Variants in CNNM4 observed in about 807,000 individuals in gnomAD.
CNNM4 encodes metal transporter CNNM4.
A neutral mutation model predicts 53.7 loss-of-function variants in CNNM4; 32 were observed. The ratio of observed to expected loss-of-function variants is 0.60; its 90% CI spans 0.45 to 0.80. The LOEUF (loss-of-function observed/expected upper bound fraction) is 0.80, where lower values mean the gene tolerates loss of function less well. CNNM4 is among the 30% of genes least tolerant of loss of function. CNNM4 has a pLI of 0.00. For missense variants in CNNM4, 784 were observed against 1,022.0 expected, an observed-to-expected ratio of 0.77 and a Z score of 3.17; for synonymous variants, 410 against 440.0, an observed-to-expected ratio of 0.93 and a Z score of 0.85.
At chr2:96,803,986 C>T (rs879584419) in intron 5 of CNNM4, among the ~76,000 whole-genome samples, 2 of 152,038 alleles carry the variant, frequency 1.3e-5, no homozygotes, top group Non-Finnish European at 2.9e-5. Context: ...GCAGCCTCAA[C>T]CTCATGGGCT....
At chr2:96,806,545 G>GCA (rs2079210494) in intron 5 of CNNM4, among the ~76,000 whole-genome samples, 1 of 143,894 alleles carries the variant, frequency 6.9e-6, no homozygotes, top group African/African-American at 2.8e-5. Flanking sequence ...ACGCGCGCGC[G>GCA]CGCGCGCGCC....
chr2:96,803,497 C>T (rs1287113038), intron 5 of CNNM4, among the ~76,000 whole-genome samples: 5 of 152,024 alleles, frequency 3.3e-5, no homozygotes, highest in East Asian at 3.9e-4. Context: ...GGCCGAGGTG[C>T]GTGGATTGCC....
chr2:96,762,209 G>A lies in CNNM4; in HGVS notation c.1210G>A (p.Gly404Ser), dbSNP rs2078771203. The A allele has an allele frequency of 1.2e-6, 2 of 1,614,148 alleles. No homozygotes were observed. Among genetic ancestry groups the A allele is most frequent in the Non-Finnish European group, 1.7e-6 (2 of 1,180,022 alleles). Reference sequence around the variant, plus strand: ...CACCATGTCGGAGATAATGGAAAGCGGCTATACTCGCATCCCGGTGTTCGA... The same window carrying A: ...CACCATGTCGGAGATAATGGAAAGCAGCTATACTCGCATCCCGGTGTTCGA... Reference protein sequence around the residue: ...FNTMSEIMESGYTRIPVFEDE... With the variant: ...FNTMSEIMESSYTRIPVFEDE... Residue 404 changes from glycine to serine, a missense_variant, in exon 1 of 7, where the codon GGC (glycine) becomes AGC (serine). Physicochemically the swap from Gly to Ser is moderately conservative, Grantham distance 56. Transcript: ENST00000377075.
chr2:96,793,969 C>CA (rs568146407), intron 1 of CNNM4, among the ~76,000 whole-genome samples: 212 of 151,740 alleles, frequency 1.4e-3, no homozygotes, highest in African/African-American at 4.9e-3. Context: ...GAGTCTGTCT[C>CA]AAAAAAAATA....
At chr2:96,779,871 C>T (rs930310224) in intron 1 of CNNM4, among the ~76,000 whole-genome samples, 1 of 149,884 alleles carries the variant, frequency 6.7e-6, no homozygotes, top group Non-Finnish European at 1.5e-5. Context: ...GGTGTGATCT[C>T]GGCTCACTGC....
At chr2:96,781,750 T>C (rs1454249764) in intron 1 of CNNM4, among the ~76,000 whole-genome samples, 1 of 152,170 alleles carries the variant, frequency 6.6e-6, no homozygotes, top group Non-Finnish European at 1.5e-5. Flanking sequence ...CTCCCTTCCC[T>C]GGAGGAAGGA....
At position 96,797,997 on chromosome 2, in the gene CNNM4, T is replaced by C. The variant is rs550060026; in HGVS notation, c.1681+350T>C. ...TGAGCCCAGGAGTTCGAGACCAGCCTGAGCAACATGGCGAGACCCCATCTC... is the reference window on the plus strand; with the variant it reads ...TGAGCCCAGGAGTTCGAGACCAGCCCGAGCAACATGGCGAGACCCCATCTC... On this transcript the variant is annotated intron_variant, in intron 3 of 6. Transcript: ENST00000377075. This position sits in a 1 kb window ranked among gnomAD's most constrained non-coding sequence, Gnocchi z 6.0. Among the ~76,000 whole-genome samples, 1 of 152,276 alleles carries C rather than the reference T, an allele frequency of 6.6e-6. No individual in the cohort carries two copies. The highest frequency in any genetic ancestry group is 2.4e-5 in the African/African-American group (1 of 41,552).
intron 1 of CNNM4, among the ~76,000 whole-genome samples, chr2:96,786,413 CAAA>C (rs774326774): frequency 1.0e-5 from 1 of 97,710 alleles, no homozygotes; most frequent in Non-Finnish European, 2.3e-5. Flanking sequence ...GACTCTGTCT[CAAA>C]AAAAAAAAAA....
intron 6 of CNNM4, among the ~76,000 whole-genome samples, chr2:96,809,050 C>G (rs1229663808): frequency 2.0e-5 from 3 of 151,350 alleles, no homozygotes; most frequent in Non-Finnish European, 2.9e-5. Flanking sequence ...CTGTGTTGCC[C>G]AAGTTGGCTT....
intron 1 of CNNM4, among the ~76,000 whole-genome samples, chr2:96,783,839 T>C (rs2078994539): frequency 6.6e-6 from 1 of 152,244 alleles, no homozygotes; most frequent in South Asian, 2.1e-4. Flanking sequence ...GAAGTCATTC[T>C]GTTTTTTATA....
rs2079246314 is a variant in CNNM4 at position 96,810,326 on chromosome 2, G to A, written c.*809G>A. 1 of 152,704 alleles carries A rather than the reference G, an allele frequency of 6.5e-6. No individual in the cohort carries two copies. Among genetic ancestry groups the A allele is most frequent in the Admixed American group, 6.5e-5 (1 of 15,284 alleles). 9.5% of individuals were successfully genotyped at this position (152,704 alleles called of 1,614,324 possible). A position where few individuals can be genotyped will look rare whatever the true frequency, so the allele number is the denominator to read the frequency against. ...GCCCTTTGGACAACTGGCCCTTTGT[G>A]ACAGGGCTGACTCAAGTGTTAGGCA... On this transcript the variant is annotated 3_prime_UTR_variant, in exon 7 of 7. Coordinates refer to ENST00000377075, the MANE Select transcript of CNNM4 (RefSeq NM_020184.4). This position sits in a 1 kb window ranked among gnomAD's most constrained non-coding sequence, Gnocchi z 4.1.
At position 96,794,987 on chromosome 2, in the gene CNNM4, C is replaced by T. The variant is rs1478610603; in HGVS notation, c.1403-2025C>T. On this transcript the variant is annotated intron_variant, in intron 1 of 6. Transcript: ENST00000377075. The stretch of plus-strand genomic sequence containing the variant: ...ACCAACATGATGCTCAAAAGAAATG[C>T]TCATTGGAGCATTTTGTAGTTCAGA... 2.0e-5 allele frequency among the ~76,000 whole-genome samples: 3 copies of T among 152,248 alleles called. No individual in the cohort carries two copies. In the South Asian group the frequency reaches 6.2e-4, roughly 31 times the overall value.
In CNNM4 at chr2:96,764,874, C is replaced by T. The variant is rs920822805; in HGVS notation, c.1402+2473C>T. 7.9e-5 allele frequency among the ~76,000 whole-genome samples: 12 copies of T among 151,852 alleles called. 2 individuals are homozygous for T. In the South Asian group the frequency reaches 2.5e-3, roughly 32 times the overall value. Reference sequence around the variant, plus strand: ...TGGTGGCACATGCCTGTAGCCCCAGCTAGTCAGGAGGCTGAGGCAGGAGAA... The same window carrying T: ...TGGTGGCACATGCCTGTAGCCCCAGTTAGTCAGGAGGCTGAGGCAGGAGAA... On this transcript the variant is annotated intron_variant, in intron 1 of 6. Transcript: ENST00000377075.
At chr2:96,766,829 A>T (rs1321535982) in intron 1 of CNNM4, among the ~76,000 whole-genome samples, 1 of 152,180 alleles carries the variant, frequency 6.6e-6, no homozygotes, top group African/African-American at 2.4e-5. Flanking sequence ...GATCATTCCC[A>T]TTTTAATAGT....
At position 96,791,040 on chromosome 2, in the gene CNNM4, A is replaced by G. The variant is rs535606121; in HGVS notation, c.1403-5972A>G. On this transcript the variant is annotated intron_variant, in intron 1 of 6. Coordinates refer to ENST00000377075, the MANE Select transcript of CNNM4 (RefSeq NM_020184.4). ...GAGGCTGAGAGAGGATAATTGCTTGATCCGGGGAGATGGAGGTTGCAGTAA... is the reference window on the plus strand; with the variant it reads ...GAGGCTGAGAGAGGATAATTGCTTGGTCCGGGGAGATGGAGGTTGCAGTAA... Among the ~76,000 whole-genome samples the G allele has an allele frequency of 2.0e-3, 297 of 150,440 alleles. 1 individual carries two copies. Among genetic ancestry groups the G allele is most frequent in the African/African-American group, 6.7e-3 (275 of 40,968 alleles).
chr2:96,797,500 C>T lies in CNNM4; in HGVS notation c.1547-13C>T, dbSNP rs1456315515. 6.2e-7 allele frequency: 1 copy of T among 1,613,750 alleles called. No individual in the cohort carries two copies. Among genetic ancestry groups the T allele is most frequent in the Non-Finnish European group, 8.5e-7 (1 of 1,180,034 alleles). Reference sequence around the variant, plus strand: ...GGGTCTGTGTTCTCAATTCCACGCTCTTCTTCCGGCAGCTGACAACCGAAG... The same window carrying T: ...GGGTCTGTGTTCTCAATTCCACGCTTTTCTTCCGGCAGCTGACAACCGAAG... On this transcript the variant is annotated splice_polypyrimidine_tract_variant and intron_variant, in intron 2 of 6. Coordinates refer to ENST00000377075, the MANE Select transcript of CNNM4 (RefSeq NM_020184.4). The surrounding 1 kb of genome is among the most constrained non-coding windows in gnomAD (Gnocchi z 6.0).
chr2:96,793,413 C>T (rs758557905), intron 1 of CNNM4, among the ~76,000 whole-genome samples: 3 of 152,214 alleles, frequency 2.0e-5, no homozygotes, highest in Admixed American at 1.3e-4. Flanking sequence ...AACCTCTGTA[C>T]GGAACCCCAG....
At chr2:96,785,944 G>A (rs1453275773) in intron 1 of CNNM4, among the ~76,000 whole-genome samples, 1 of 151,900 alleles carries the variant, frequency 6.6e-6, no homozygotes, top group Admixed American at 6.6e-5. Context: ...AAAATTAGCC[G>A]GGCATGGTGG....
intron 1 of CNNM4, among the ~76,000 whole-genome samples, chr2:96,782,700 C>T (rs1334204378): frequency 6.6e-6 from 1 of 152,096 alleles, no homozygotes; most frequent in Non-Finnish European, 1.5e-5. Flanking sequence ...AGTTTGTAAA[C>T]ATTTGGAAAC....
Sources: allele counts gnomAD v4.1 joint callset (sites outside exome capture counted in the v4.1 genomes callset), GRCh38; gene constraint gnomAD v4.1.1; non-coding constraint Gnocchi (gnomAD v3.1); transcripts MANE v1.5; gene names NCBI Gene and HGNC (gene_info 2026-07-23, HGNC 2026-07-21).